Variants in ERC2 observed in about 807,000 individuals in gnomAD.
ERC2 encodes ELKS/RAB6-interacting/CAST family member 2, also known as ERC protein 2.
A neutral mutation model predicts 114.8 loss-of-function variants in ERC2; 42 were observed. That is an observed-to-expected ratio of 0.37 (90% CI 0.29 to 0.47). ERC2 has a LOEUF of 0.47. Ranked by LOEUF, ERC2 falls within the 20% of genes least tolerant of loss-of-function variation. The probability of loss-of-function intolerance (pLI) is 0.99; values close to 1 mark genes in which losing one functional copy is unlikely to be tolerated. For missense variants in ERC2, 939 were observed against 1,150.7 expected (o/e 0.82, Z 2.66); for synonymous variants, 454 against 425.5 (o/e 1.07, Z -0.82).
At chr3:55,957,510 C>A (rs991364997) in intron 12 of ERC2, among the ~76,000 whole-genome samples, 1 of 152,222 alleles carries the variant, frequency 6.6e-6, no homozygotes, top group Non-Finnish European at 1.5e-5. Context: ...CAGCTGGAAA[C>A]CTCTGTGGCC....
intron 2 of ERC2, among the ~76,000 whole-genome samples, chr3:56,383,313 G>A (rs1163079209): frequency 1.3e-5 from 2 of 152,088 alleles, no homozygotes; most frequent in Non-Finnish European, 2.9e-5. Flanking sequence ...AACCCAGGTC[G>A]CTAAAATGGA....
intron 3 of ERC2, among the ~76,000 whole-genome samples, chr3:56,248,969 G>A (rs2051917336): frequency 6.6e-6 from 1 of 152,168 alleles, no homozygotes; most frequent in African/African-American, 2.4e-5. Flanking sequence ...ACATTACAGA[G>A]GCCTGGAGGG....
At chr3:55,708,750 T>C (rs1208014262) in intron 15 of ERC2, among the ~76,000 whole-genome samples, 1 of 149,526 alleles carries the variant, frequency 6.7e-6, no homozygotes, top group Admixed American at 6.7e-5. Context: ...AATAAATAAA[T>C]AAATAAATAA....
chr3:56,270,881 C>T (rs1264668806), intron 3 of ERC2, among the ~76,000 whole-genome samples: 2 of 152,110 alleles, frequency 1.3e-5, no homozygotes, highest in African/African-American at 4.8e-5. Flanking sequence ...ACTTGGGAGG[C>T]TGAGGCAGAA....
chr3:55,838,364 A>T (rs151311619), intron 14 of ERC2, among the ~76,000 whole-genome samples: 2 of 152,204 alleles, frequency 1.3e-5, no homozygotes, highest in Non-Finnish European at 2.9e-5. Flanking sequence ...ATGTTTTCTG[A>T]CCATAATAGA....
At chr3:55,846,703 C>T (rs1479095068) in intron 14 of ERC2, among the ~76,000 whole-genome samples, 1 of 151,610 alleles carries the variant, frequency 6.6e-6, no homozygotes, top group African/African-American at 2.4e-5. Flanking sequence ...TTCTCTCTCT[C>T]TCTCTCTCTC....
intron 3 of ERC2, among the ~76,000 whole-genome samples, chr3:56,290,593 A>G (rs1429593254): frequency 6.6e-6 from 1 of 152,234 alleles, no homozygotes; most frequent in African/African-American, 2.4e-5. Flanking sequence ...GGCTTAGGTC[A>G]GCAGAACTAG....
At chr3:56,155,941 G>T (rs567094803) in intron 4 of ERC2, among the ~76,000 whole-genome samples, 25 of 152,214 alleles carry the variant, frequency 1.6e-4, no homozygotes, top group Admixed American at 1.5e-3. Flanking sequence ...TGAAAGGAAG[G>T]TGCTGCAGAA....
At chr3:56,268,260 T>C (rs956844506) in intron 3 of ERC2, among the ~76,000 whole-genome samples, 13 of 152,224 alleles carry the variant, frequency 8.5e-5, no homozygotes, top group Admixed American at 7.2e-4. Flanking sequence ...CTAGGAGCAA[T>C]TGGCTATACC....
intron 14 of ERC2, among the ~76,000 whole-genome samples, chr3:55,796,665 T>C (rs985387719): frequency 1.3e-5 from 2 of 152,192 alleles, no homozygotes; most frequent in Admixed American, 6.5e-5. Flanking sequence ...CCTCAAGTGA[T>C]CTTCCTGCCT....
chr3:55,749,884 A>G (rs1029477018), intron 14 of ERC2, among the ~76,000 whole-genome samples: 1 of 152,156 alleles, frequency 6.6e-6, no homozygotes, highest in African/African-American at 2.4e-5. Flanking sequence ...CTACGACTTC[A>G]TTCTTGAAGT....
intron 3 of ERC2, among the ~76,000 whole-genome samples, chr3:56,184,109 T>C (rs533847370): frequency 6.6e-5 from 10 of 152,162 alleles, no homozygotes; most frequent in Admixed American, 4.6e-4. Context: ...TCTTAATGGA[T>C]AATGTGCTCC....
chr3:55,650,910 G>A (rs545230642), intron 17 of ERC2, among the ~76,000 whole-genome samples: 8 of 149,576 alleles, frequency 5.3e-5, no homozygotes, highest in East Asian at 3.9e-4. Context: ...GCGGTGGCGC[G>A]ATCTCAGCTC....
chr3:56,228,218 T>G (rs1297824458), intron 3 of ERC2, among the ~76,000 whole-genome samples: 2 of 152,216 alleles, frequency 1.3e-5, no homozygotes, highest in African/African-American at 4.8e-5. Context: ...ATATACATAA[T>G]ATTTACCATC....
intron 12 of ERC2, among the ~76,000 whole-genome samples, chr3:55,958,187 C>G (rs2068097395): frequency 6.6e-6 from 1 of 152,178 alleles, no homozygotes; most frequent in Non-Finnish European, 1.5e-5. Flanking sequence ...GTGTTCAGCT[C>G]TCAGCAGGTA....
At chr3:55,801,695 G>T (rs752688127) in intron 14 of ERC2, among the ~76,000 whole-genome samples, 1 of 152,210 alleles carries the variant, frequency 6.6e-6, no homozygotes, top group Non-Finnish European at 1.5e-5. Flanking sequence ...CTGGAAGTAG[G>T]ACTGGCTATA....
intron 2 of ERC2, among the ~76,000 whole-genome samples, chr3:56,335,642 G>A (rs971515091): frequency 1.3e-5 from 2 of 152,188 alleles, no homozygotes; most frequent in Non-Finnish European, 2.9e-5. Context: ...CTGAAGAAAA[G>A]TAGACTAAGA....
At chr3:56,057,402 C>T (rs548320523) in intron 7 of ERC2, among the ~76,000 whole-genome samples, 2 of 152,280 alleles carry the variant, frequency 1.3e-5, no homozygotes, top group South Asian at 4.1e-4. Context: ...TCAGGCCCCA[C>T]ATTGCTTACT....
chr3:55,710,488 GT>G (rs796405673), intron 15 of ERC2, among the ~76,000 whole-genome samples: 4 of 148,860 alleles, frequency 2.7e-5, no homozygotes, highest in Non-Finnish European at 3.0e-5. Context: ...TCATATGGTT[GT>G]TTTTTTTTTC....
Sources: gnomAD v4.1 joint callset for allele counts (sites outside exome capture counted in the v4.1 genomes callset) on GRCh38, gnomAD v4.1.1 for gene constraint, MANE v1.5 for transcripts, NCBI Gene and HGNC (gene_info 2026-07-23, HGNC 2026-07-21) for gene names.